The following COL6A3 variants were observed in gnomAD, a reference collection of about 807,000 sequenced individuals.
COL6A3 encodes the protein collagen type VI alpha 3 chain.
A neutral mutation model predicts 274.1 loss-of-function variants in COL6A3; 137 were observed. The ratio of observed to expected loss-of-function variants is 0.50; its 90% confidence interval spans 0.44 to 0.58. The LOEUF (loss-of-function observed/expected upper bound fraction) is 0.58, where lower values mean the gene tolerates loss of function less well. COL6A3 is among the 20% of genes least tolerant of loss of function. The pLI is 0.00. For synonymous variants in COL6A3, 1,650 were observed against 1,650.6 expected, an observed-to-expected ratio of 1.00 and a Z score of 0.01; for missense variants, 3,950 against 4,124.9, an observed-to-expected ratio of 0.96 and a Z score of 1.16.
At chr2:237,330,273 C>T (rs555407351) in intron 42 of COL6A3, 1 of 152,256 alleles carries the variant, frequency 6.6e-6, no homozygotes, top group East Asian at 1.9e-4. Context: ...TTAGCAACTA[C>T]GTAGCACTGT....
chr2:237,380,961 C>A lies in COL6A3; in HGVS notation c.1851G>T (p.Leu617=), dbSNP rs1431390442. Reference sequence around the variant, plus strand: ...TCCTGAGAGGTGCCAGCAAGCCAGGCAGCATGCCTTGCAATGGGGCGGCTC... The same window carrying A: ...TCCTGAGAGGTGCCAGCAAGCCAGGAAGCATGCCTTGCAATGGGGCGGCTC... ...EFRAAPLQGM[L]PGLLAPLRTL... Residue 617 remains leucine, a synonymous_variant, in exon 5 of 44, where the codon CTG becomes CTT. Coordinates refer to ENST00000295550, the MANE Select transcript of COL6A3 (RefSeq NM_004369.4). The A allele has an allele frequency of 6.2e-7, 1 of 1,614,066 alleles. No homozygotes were observed. The highest frequency in any genetic ancestry group is 8.5e-7 in the Non-Finnish European group (1 of 1,180,052).
chr2:237,393,559 G>A (rs1460736289), intron 3 of COL6A3, among the ~76,000 whole-genome samples: 1 of 152,040 alleles, frequency 6.6e-6, no homozygotes, highest in Non-Finnish European at 1.5e-5. Flanking sequence ...CTCTCCCCCT[G>A]GATTCCTCTC....
chr2:237,367,737 G>A (rs2077587453), intron 10 of COL6A3, among the ~76,000 whole-genome samples: 2 of 152,220 alleles, frequency 1.3e-5, no homozygotes, highest in African/African-American at 2.4e-5. Context: ...AAGCAAGGAA[G>A]GACTAGGAGA....
At chr2:237,389,632 G>A (rs1183216023) in intron 3 of COL6A3, among the ~76,000 whole-genome samples, 1 of 152,176 alleles carries the variant, frequency 6.6e-6, no homozygotes, top group African/African-American at 2.4e-5. Context: ...TCTTACCCAA[G>A]CTCTTCTCAT....
At chr2:237,355,097 C>A in intron 23 of COL6A3, 163 bp from the exon 24 acceptor site, 1 of 642,826 alleles carries the variant, frequency 1.6e-6, no homozygotes, top group South Asian at 2.1e-5. Flanking sequence ...CTCATCAGCC[C>A]TGGGGAAACT....
rs1219913430 is a variant in COL6A3 at position 237,329,676 on chromosome 2, C to T, written c.9328+3774G>A. 3 of 152,202 alleles carry T rather than the reference C, an allele frequency of 2.0e-5. No homozygotes were observed. The East Asian group carries it at 5.8e-4, about 29-fold the overall frequency. The allele number at this position is 152,202 out of a possible 1,614,324, so 9.4% of individuals were successfully genotyped here. ...TATGCTAATTGATGATATATATTCACATGGAACATGGCCAACCAAATACTG... is the reference window on the plus strand; with the variant it reads ...TATGCTAATTGATGATATATATTCATATGGAACATGGCCAACCAAATACTG... On this transcript the variant is annotated intron_variant, in intron 42 of 43. Transcript: ENST00000295550.
At chr2:237,402,968 A>G (rs939896765) in intron 1 of COL6A3, among the ~76,000 whole-genome samples, 1 of 152,182 alleles carries the variant, frequency 6.6e-6, no homozygotes, top group African/African-American at 2.4e-5. Context: ...CAGCCTTGCC[A>G]CCTGAAGATT....
Position 237,381,104 on chromosome 2 carries a change from G to T in COL6A3, c.1708C>A (p.Gln570Lys). Reference sequence around the variant, plus strand: ...ATTATGCTGCTTCTCTTCAGCTCCTGGGCAGGCTGGCTGATTTCATCTAGG... The same window carrying T: ...ATTATGCTGCTTCTCTTCAGCTCCTTGGCAGGCTGGCTGATTTCATCTAGG... ...KSLDEISQPA[Q>K]ELKRSSIMAF... is the part of the protein sequence containing the mutation. The change falls in exon 5 of 44, where the codon CAG becomes AAG. Residue 570 changes from glutamine (Q) to lysine (K), a missense_variant. Around this residue, in one of 5 missense-constraint regions of COL6A3, gnomAD observed 1,934 missense variants for 1,984.3 expected, o/e 0.97. Coordinates refer to ENST00000295550, the MANE Select transcript of COL6A3 (RefSeq NM_004369.4). The T allele has an allele frequency of 6.2e-7, 1 of 1,614,220 alleles. No individual in the cohort carries two copies. Among genetic ancestry groups the T allele is most frequent in the South Asian group, 1.1e-5 (1 of 91,082 alleles).
chr2:237,359,012 C>G (rs1464286330), intron 20 of COL6A3, 23 bp downstream of exon 20: 2 of 1,608,866 alleles, frequency 1.2e-6, no homozygotes, highest in African/African-American at 1.3e-5. Context: ...TCCATAATAG[C>G]ACCACCGTGG....
intron 4 of COL6A3, among the ~76,000 whole-genome samples, chr2:237,385,283 A>G (rs2078116464): frequency 6.6e-6 from 1 of 152,248 alleles, no homozygotes; most frequent in Non-Finnish European, 1.5e-5. Flanking sequence ...TGTCTGGCAC[A>G]TGCCAGATAG....
At chr2:237,359,453 A>G (rs2077388239) in intron 17 of COL6A3, 65 bp from the exon 18 acceptor site, 4 of 1,559,506 alleles carry the variant, frequency 2.6e-6, no homozygotes, top group Non-Finnish European at 3.5e-6. Flanking sequence ...CGGGCAGAAG[A>G]GGCCAAGGGC....
At chr2:237,398,376 C>A (rs1287803295) in intron 1 of COL6A3, among the ~76,000 whole-genome samples, 1 of 152,230 alleles carries the variant, frequency 6.6e-6, no homozygotes. Context: ...GCCATCAGAC[C>A]TTTCCCCTGC....
intron 41 of COL6A3, among the ~76,000 whole-genome samples, chr2:237,334,349 G>A (rs779519844): frequency 2.0e-5 from 3 of 152,216 alleles, no homozygotes; most frequent in South Asian, 2.1e-4. Flanking sequence ...GGAAAGGGCT[G>A]TGCTCAGGCG....
At chr2:237,366,472 T>C (rs2077553185) in intron 11 of COL6A3, among the ~76,000 whole-genome samples, 1 of 152,136 alleles carries the variant, frequency 6.6e-6, no homozygotes, top group Non-Finnish European at 1.5e-5. Context: ...GTAAATCTTA[T>C]AAAAGCAAAA....
chr2:237,333,194 T>C, intron 42 of COL6A3: 1 of 557,708 alleles, frequency 1.8e-6, no homozygotes, highest in East Asian at 3.1e-5. Flanking sequence ...GTCTAATGGA[T>C]ACGTGAATTC....
Position 237,361,717 on chromosome 2 carries a change from G to A in COL6A3, c.6156+22C>T, listed in dbSNP as rs1383636028. ...CTTCTGACACCTCATCTCAGGCGTG[G>A]GCAAGGGTAAAGCCACCGTACCTTT... On this transcript the variant is annotated intron_variant, in intron 15 of 43. Coordinates refer to ENST00000295550, the MANE Select transcript of COL6A3 (RefSeq NM_004369.4). The surrounding 1 kb of genome is among the most constrained non-coding windows in gnomAD (Gnocchi z 5.1). 1.2e-6 allele frequency: 2 copies of A among 1,609,680 alleles called. No individual in the cohort carries two copies. Among genetic ancestry groups the A allele is most frequent in the Admixed American group, 1.7e-5 (1 of 59,998 alleles).
chr2:237,373,066 T>C (rs2077735005), intron 8 of COL6A3, among the ~76,000 whole-genome samples: 1 of 152,052 alleles, frequency 6.6e-6, no homozygotes, highest in Non-Finnish European at 1.5e-5. Context: ...GGACTCAAGA[T>C]TACCAGCTGA....
chr2:237,369,842 T>TC (rs1385289310), intron 9 of COL6A3, among the ~76,000 whole-genome samples: 1 of 144,534 alleles, frequency 6.9e-6, no homozygotes, highest in Non-Finnish European at 1.5e-5. Context: ...CTTTTCTTTC[T>TC]TTTTTTTTTT....
chr2:237,388,883 T>C (rs1364520268), intron 3 of COL6A3, among the ~76,000 whole-genome samples: 1 of 152,240 alleles, frequency 6.6e-6, no homozygotes, highest in African/African-American at 2.4e-5. Context: ...TTTAGTTGCA[T>C]AAAACTCAAA....
Sources: gnomAD v4.1 joint callset for allele counts (sites outside exome capture counted in the v4.1 genomes callset) on GRCh38, gnomAD v4.1.1 for gene constraint, gnomAD v4.1.1 regional missense constraint, Gnocchi (gnomAD v3.1) non-coding constraint, MANE v1.5 for transcripts, NCBI Gene and HGNC (gene_info 2026-07-23, HGNC 2026-07-21) for gene names.